Variants in FGF14 observed in about 807,000 individuals in gnomAD.
The protein encoded by FGF14 is fibroblast growth factor homologous factor 4.
Under a neutral mutation model 25.5 loss-of-function variants are expected in FGF14, and 5 were observed. That is an observed-to-expected ratio of 0.20 (90% CI 0.10 to 0.41). The LOEUF is 0.41. Among genes scored for constraint, FGF14 ranks in the 10% least tolerant of loss-of-function variants. The pLI, the probability that FGF14 is intolerant of heterozygous loss-of-function variation, is 1.00. For missense variants in FGF14, 222 were observed against 320.1 expected, an observed-to-expected ratio of 0.69 and a Z score of 2.34; for synonymous variants, 138 against 118.3, an observed-to-expected ratio of 1.17 and a Z score of -1.08.
At chr13:101,885,818 A>G (rs1566376671) in intron 1 of FGF14, among the ~76,000 whole-genome samples, 1 of 152,168 alleles carries the variant, frequency 6.6e-6, no homozygotes, top group Non-Finnish European at 1.5e-5. Flanking sequence ...CCAGGTTTCA[A>G]GTGAATGCCA....
At chr13:102,214,554 C>G (rs562633098) in intron 1 of FGF14, among the ~76,000 whole-genome samples, 1 of 152,288 alleles carries the variant, frequency 6.6e-6, no homozygotes, top group Non-Finnish European at 1.5e-5. Context: ...TTAAATTCAT[C>G]CTTTAAGTCA....
intron 3 of FGF14, among the ~76,000 whole-genome samples, chr13:101,763,686 C>A (rs1051226911): frequency 6.6e-6 from 1 of 152,032 alleles, no homozygotes; most frequent in Non-Finnish European, 1.5e-5. Flanking sequence ...ATGGTGAAAC[C>A]CCATCTCTAG....
At chr13:101,812,553 TATTTA>T (rs2041576052) in intron 3 of FGF14, among the ~76,000 whole-genome samples, 2 of 145,756 alleles carry the variant, frequency 1.4e-5, no homozygotes, top group South Asian at 4.4e-4. Flanking sequence ...CACTAGATTT[TATTTA>T]ATGTGTTAAT....
chr13:102,067,022 T>C (rs2042932226), intron 1 of FGF14, among the ~76,000 whole-genome samples: 2 of 152,188 alleles, frequency 1.3e-5, no homozygotes, highest in Middle Eastern at 3.2e-3. Context: ...CTCCTACTGC[T>C]TACCAACCAA....
At chr13:102,177,318 A>G (rs946567202) in intron 1 of FGF14, among the ~76,000 whole-genome samples, 10 of 152,210 alleles carry the variant, frequency 6.6e-5, no homozygotes, top group African/African-American at 2.4e-4. Context: ...GAAGCTACAC[A>G]GTGTCTGCTA....
At chr13:101,736,526 TATG>T (rs1222212563) in intron 3 of FGF14, among the ~76,000 whole-genome samples, 2 of 152,202 alleles carry the variant, frequency 1.3e-5, no homozygotes, top group African/African-American at 2.4e-5. Flanking sequence ...TATTGTATTT[TATG>T]ATATTATCTT....
chr13:101,753,107 G>C (rs2037398375), intron 3 of FGF14, among the ~76,000 whole-genome samples: 1 of 152,092 alleles, frequency 6.6e-6, no homozygotes, highest in Admixed American at 6.5e-5. Flanking sequence ...GGTTCTGTTA[G>C]TGAGGATGAA....
chr13:102,358,689 C>T (rs888528368), intron 1 of FGF14, among the ~76,000 whole-genome samples: 11 of 152,136 alleles, frequency 7.2e-5, no homozygotes, highest in Admixed American at 7.2e-4. Context: ...AAATACGTCT[C>T]TTAACAAAAA....
intron 3 of FGF14, among the ~76,000 whole-genome samples, chr13:101,760,722 T>A (rs1461684028): frequency 6.6e-6 from 1 of 152,210 alleles, no homozygotes; most frequent in Non-Finnish European, 1.5e-5. Context: ...TTTCTTTAAT[T>A]CCTTCCAGCC....
At chr13:101,996,984 G>A (rs909513068) in intron 1 of FGF14, among the ~76,000 whole-genome samples, 7 of 152,108 alleles carry the variant, frequency 4.6e-5, no homozygotes, top group Non-Finnish European at 1.0e-4. Flanking sequence ...CTCTGCTGAG[G>A]GCACCACTCA....
intron 1 of FGF14, among the ~76,000 whole-genome samples, chr13:102,398,588 A>G (rs963658522): frequency 3.9e-5 from 6 of 152,186 alleles, no homozygotes; most frequent in Non-Finnish European, 8.8e-5. Flanking sequence ...TTAAGATAAC[A>G]TAATAGGTAG....
chr13:101,768,507 T>G (rs1046781792), intron 3 of FGF14, among the ~76,000 whole-genome samples: 1 of 151,992 alleles, frequency 6.6e-6, no homozygotes, highest in African/African-American at 2.4e-5. Flanking sequence ...TCCAAGAATA[T>G]CCACCACAAT....
chr13:102,245,076 A>G (rs2051796676), intron 1 of FGF14, among the ~76,000 whole-genome samples: 1 of 152,126 alleles, frequency 6.6e-6, no homozygotes, highest in Non-Finnish European at 1.5e-5. Context: ...TCTTCTTTTC[A>G]GAAATCCCAA....
At chr13:102,009,913 G>C (rs978549375) in intron 1 of FGF14, among the ~76,000 whole-genome samples, 15 of 152,182 alleles carry the variant, frequency 9.9e-5, no homozygotes, top group African/African-American at 3.1e-4. Context: ...TACAAAGAAT[G>C]ATGATATTTT....
chr13:102,202,449 A>G (rs536340890), intron 1 of FGF14, among the ~76,000 whole-genome samples: 28 of 152,194 alleles, frequency 1.8e-4, no homozygotes, highest in Non-Finnish European at 3.8e-4. Context: ...AGAGAAGGTG[A>G]TAAGTGAGGG....
At position 102,208,425 on chromosome 13, in the gene FGF14, A is replaced by G. The variant is rs545612127; in HGVS notation, c.208+193046T>C. Among the ~76,000 whole-genome samples, 6 of 152,346 alleles carry G rather than the reference A, an allele frequency of 3.9e-5. No individual in the cohort carries two copies. The South Asian group carries it at 1.2e-3, about 32-fold the overall frequency. On this transcript the variant is annotated intron_variant, in intron 1 of 4. Transcript: ENST00000376131. ...CATAAAAACAGTAATTAAAGCTTTT[A>G]AAATATACATATTAGCAGATCACAC... is the stretch of plus-strand genomic sequence containing the variant.
At chr13:101,756,770 AC>A (rs546217204) in intron 3 of FGF14, among the ~76,000 whole-genome samples, 159 of 152,276 alleles carry the variant, frequency 1.0e-3, no homozygotes, top group African/African-American at 3.7e-3. Flanking sequence ...AAACAAACAA[AC>A]AAAAAACTGT....
intron 3 of FGF14, among the ~76,000 whole-genome samples, chr13:101,844,855 T>C (rs2043368374): frequency 1.3e-5 from 2 of 151,898 alleles, no homozygotes; most frequent in African/African-American, 4.8e-5. Context: ...TGGTGCAGAG[T>C]CTAGAAGACT....
intron 1 of FGF14, among the ~76,000 whole-genome samples, chr13:101,925,718 G>A (rs887764822): frequency 7.2e-5 from 11 of 152,150 alleles, no homozygotes; most frequent in African/African-American, 2.4e-4. Flanking sequence ...GTAACCTACA[G>A]TGTAAGTTTC....
Sources: gnomAD v4.1 joint callset for allele counts (sites outside exome capture counted in the v4.1 genomes callset) on GRCh38, gnomAD v4.1.1 for gene constraint, MANE v1.5 for transcripts, NCBI Gene and HGNC (gene_info 2026-07-23, HGNC 2026-07-21) for gene names.